The following PCDHAC1 variants were observed in gnomAD, a reference collection of about 807,000 sequenced individuals.
The protein encoded by PCDHAC1 is protocadherin alpha-C1.
A neutral mutation model predicts 60.0 loss-of-function variants in PCDHAC1; 42 were observed. The observed-to-expected ratio is 0.70, with a 90% CI of 0.55 to 0.90. The LOEUF (loss-of-function observed/expected upper bound fraction) is 0.90, where lower values mean the gene tolerates loss of function less well. Among genes scored for constraint, PCDHAC1 ranks in the 40% least tolerant of loss-of-function variants. The probability of loss-of-function intolerance (pLI) is 0.00; values close to 1 mark genes in which losing one functional copy is unlikely to be tolerated. For missense variants in PCDHAC1, 1,160 were observed against 1,222.3 expected (o/e 0.95, Z 0.76); for synonymous variants, 468 against 499.3 (o/e 0.94, Z 0.84).
At chr5:140,988,571 C>T (rs1438476188) in intron 3 of PCDHAC1, among the ~76,000 whole-genome samples, 7 of 152,168 alleles carry the variant, frequency 4.6e-5, no homozygotes, top group Non-Finnish European at 1.0e-4. Flanking sequence ...TGGGAAAACA[C>T]TCTGTACCTT....
At position 140,928,939 on chromosome 5, in the gene PCDHAC1, T is replaced by C. The variant is rs367874769; in HGVS notation, c.2047T>C (p.Tyr683His). The change falls in exon 1 of 4, where the codon TAT (tyrosine) becomes CAT (histidine). Residue 683 changes from tyrosine to histidine, a missense_variant. Tyr to His is a moderately conservative substitution (Grantham distance 83). Coordinates refer to ENST00000253807, the MANE Select transcript of PCDHAC1 (RefSeq NM_018898.5). ...PGGQLSAQNLYLVIALACISF... is the reference protein window; with the variant it reads ...PGGQLSAQNLHLVIALACISF... The stretch of plus-strand genomic sequence containing the variant: ...AGGGCAGCTTTCTGCCCAGAACTTG[T>C]ATTTAGTAATTGCCTTGGCTTGTAT... 6.2e-7 allele frequency: 1 copy of C among 1,614,130 alleles called. No homozygotes were observed. The highest frequency in any genetic ancestry group is 8.5e-7 in the Non-Finnish European group (1 of 1,180,012).
chr5:140,969,391 A>G, intron 1 of PCDHAC1: 2 of 1,592,664 alleles, frequency 1.3e-6, no homozygotes, highest in South Asian at 2.3e-5. Flanking sequence ...ATCCCCCAAT[A>G]TCCTGTGATT....
chr5:140,968,855 A>G (rs2096275634), intron 1 of PCDHAC1: 2 of 1,614,198 alleles, frequency 1.2e-6, no homozygotes, highest in Non-Finnish European at 1.7e-6. Flanking sequence ...GCATGTTAAG[A>G]GCCCTCGGAC....
At position 141,012,295 on chromosome 5, in the gene PCDHAC1, T is replaced by C. The variant is rs2098423507; in HGVS notation, c.*2358T>C. ...GTCATGTGGATTCATTTTGAATTGG[T>C]GCTATTGGTATTTCCTCTGTTATTG... On this transcript the variant is annotated 3_prime_UTR_variant, in exon 4 of 4. Coordinates refer to ENST00000253807, the MANE Select transcript of PCDHAC1 (RefSeq NM_018898.5). 6.5e-6 allele frequency: 1 copy of C among 153,776 alleles called. No homozygotes were observed. The highest frequency in any genetic ancestry group is 2.4e-5 in the African/African-American group (1 of 41,466). 9.5% of individuals were successfully genotyped at this position (153,776 alleles called of 1,614,324 possible).
intron 1 of PCDHAC1, among the ~76,000 whole-genome samples, chr5:140,971,325 T>C (rs1273585971): frequency 3.9e-5 from 6 of 152,190 alleles, no homozygotes; most frequent in African/African-American, 1.4e-4. Context: ...AGGGAGAAAA[T>C]TATTTCAGAA....
intron 1 of PCDHAC1, among the ~76,000 whole-genome samples, chr5:140,969,883 A>G (rs1161815776): frequency 6.6e-6 from 1 of 152,204 alleles, no homozygotes; most frequent in African/African-American, 2.4e-5. Flanking sequence ...ATGTGATAGG[A>G]TCCTCTGGAA....
intron 3 of PCDHAC1, among the ~76,000 whole-genome samples, chr5:141,004,282 G>T (rs1444607316): frequency 3.3e-5 from 5 of 152,190 alleles, no homozygotes; most frequent in African/African-American, 1.2e-4. Context: ...ACATGCTGCT[G>T]AGCTCTCAGA....
chr5:140,970,293 T>C (rs2096396195), intron 1 of PCDHAC1, among the ~76,000 whole-genome samples: 3 of 152,220 alleles, frequency 2.0e-5, no homozygotes, highest in Admixed American at 2.0e-4. Context: ...TTTCAAGTCC[T>C]TCATGTCTTT....
chr5:140,954,025 C>A (rs533473552), intron 1 of PCDHAC1, among the ~76,000 whole-genome samples: 1 of 152,072 alleles, frequency 6.6e-6, no homozygotes, highest in African/African-American at 2.4e-5. Context: ...CATAGTGGGA[C>A]GATGTGGTAT....
intron 3 of PCDHAC1, among the ~76,000 whole-genome samples, chr5:141,000,419 ATATTTTT>A (rs1397100244): frequency 3.9e-4 from 24 of 60,984 alleles, no homozygotes; most frequent in African/African-American, 1.8e-3. Flanking sequence ...ATATATATAT[ATATTTTT>A]TTTTTTTTTT....
chr5:140,976,888 A>G (rs1050816491), intron 1 of PCDHAC1, among the ~76,000 whole-genome samples: 1 of 152,218 alleles, frequency 6.6e-6, no homozygotes, highest in African/African-American at 2.4e-5. Context: ...ATTAGGATAC[A>G]TGCAACAGTA....
Position 140,993,501 on chromosome 5 carries a change from C to CAT in PCDHAC1, c.2581+10939_2581+10940insTA, listed in dbSNP as rs1159844142. Among the ~76,000 whole-genome samples the CAT allele has an allele frequency of 9.9e-4, 148 of 149,100 alleles. 5 individuals carry two copies. In the East Asian group the frequency reaches 0.024, roughly 24 times the overall value. On this transcript the variant is annotated intron_variant, in intron 3 of 3. Transcript: ENST00000253807. ...ACACACACACACACACACACACACA[C>CAT]ACACACACGGGGAGAGAGAGACAGA...
Position 140,926,908 on chromosome 5 carries a change from G to A in PCDHAC1, c.16G>A (p.Val6Met). 6.4e-7 allele frequency: 1 copy of A among 1,560,434 alleles called. No homozygotes were observed. Among genetic ancestry groups the A allele is most frequent in the South Asian group, 1.2e-5 (1 of 82,042 alleles). MVGCG[V>M]AVLCLWVSCG... is the part of the protein sequence containing the mutation. ...TAGAGGGAGGATGGTGGGCTGTGGG[G>A]TGGCAGTTTTATGTTTGTGGGTTTC... Residue 6 changes from valine (V) to methionine (M), a missense_variant, in exon 1 of 4, where the codon GTG (valine) becomes ATG (methionine). Coordinates refer to ENST00000253807, the MANE Select transcript of PCDHAC1 (RefSeq NM_018898.5).
At chr5:140,934,228 G>A (rs1238284158) in intron 1 of PCDHAC1, among the ~76,000 whole-genome samples, 2 of 151,884 alleles carry the variant, frequency 1.3e-5, no homozygotes, top group African/African-American at 4.8e-5. Flanking sequence ...TAAAAGATTT[G>A]TACTTAATTG....
chr5:141,001,867 A>C (rs2153971805), intron 3 of PCDHAC1, among the ~76,000 whole-genome samples: 1 of 152,348 alleles, frequency 6.6e-6, no homozygotes, highest in Admixed American at 6.5e-5. Context: ...ATTGATGCCC[A>C]AAACCAAGAA....
At chr5:141,006,328 C>CA (rs1258327155) in intron 3 of PCDHAC1, among the ~76,000 whole-genome samples, 12 of 152,060 alleles carry the variant, frequency 7.9e-5, no homozygotes, top group Non-Finnish European at 1.6e-4. Flanking sequence ...TCTCCTGCCT[C>CA]AGCCTCCTGA....
intron 1 of PCDHAC1, chr5:140,969,442 T>C (rs1554231813): frequency 1.3e-6 from 2 of 1,543,712 alleles, no homozygotes; most frequent in Admixed American, 4.0e-5. Flanking sequence ...AGTTATCTGG[T>C]AAACTGAGTA....
chr5:140,928,716 C>T lies in PCDHAC1; in HGVS notation c.1824C>T (p.Leu608=), dbSNP rs555492959. Residue 608 remains leucine, a synonymous_variant, in exon 1 of 4, where the codon CTC becomes CTT. Transcript: ENST00000253807. The part of the protein sequence containing the change: ...YHISRASDSS[L]FRISANIGEL... ...TCTCCCGGGCGTCTGACTCTAGTCT[C>T]TTTAGAATTTCAGCCAATATAGGTG... 5 of 1,614,178 alleles carry T rather than the reference C, an allele frequency of 3.1e-6. No individual in the cohort carries two copies. The highest frequency in any genetic ancestry group is 4.5e-5 in the East Asian group (2 of 44,884).
In PCDHAC1 at chr5:140,927,226, A is replaced by T; in HGVS notation, c.334A>T (p.Ile112Phe). The stretch of plus-strand genomic sequence containing the variant: ...CCCGCTGGAGCTGCACAAGATTCGG[A>T]TTCACGTCCTGGACACCAATGACAA... Reference protein sequence around the residue: ...EDPLELHKIRIHVLDTNDNSP... With the variant: ...EDPLELHKIRFHVLDTNDNSP... Residue 112 changes from isoleucine (I) to phenylalanine (F), a missense_variant, in exon 1 of 4, where the codon ATT becomes TTT. Physicochemically the swap from Ile to Phe is conservative, Grantham distance 21 (BLOSUM62 0). Around this residue, in one of 3 missense-constraint regions of PCDHAC1, gnomAD observed 1,113 missense variants for 1,163.7 expected, o/e 0.96. Transcript: ENST00000253807. 5 of 1,613,996 alleles carry T rather than the reference A, an allele frequency of 3.1e-6. No individual in the cohort carries two copies. Among genetic ancestry groups the T allele is most frequent in the Non-Finnish European group, 4.2e-6 (5 of 1,179,984 alleles).
Sources: gnomAD v4.1 joint callset for allele counts (sites outside exome capture counted in the v4.1 genomes callset) on GRCh38, gnomAD v4.1.1 for gene constraint, gnomAD v4.1.1 regional missense constraint, MANE v1.5 for transcripts, NCBI Gene and HGNC (gene_info 2026-07-23, HGNC 2026-07-21) for gene names.